SRSF1: variants seen among roughly 807,000 people sequenced by gnomAD.
The protein encoded by SRSF1 is serine/arginine-rich splicing factor 1.
Under a neutral mutation model 25.9 loss-of-function variants are expected in SRSF1, and 1 was observed. The observed-to-expected ratio is 0.04, with a 90% confidence interval of 0.01 to 0.18. The LOEUF (loss-of-function observed/expected upper bound fraction) is 0.18, where lower values mean the gene tolerates loss of function less well. Among genes scored for constraint, SRSF1 ranks in the 10% least tolerant of loss-of-function variants. The probability of loss-of-function intolerance (pLI) is 1.00; values close to 1 mark genes in which losing one functional copy is unlikely to be tolerated. For synonymous variants in SRSF1, 132 were observed against 126.2 expected (o/e 1.05, Z -0.31); for missense variants, 65 against 350.5 (o/e 0.19, Z 6.50).
chr17:57,999,759 A>G (rs537890155), downstream of SRSF1, among the ~76,000 whole-genome samples: 15 of 152,314 alleles, frequency 9.8e-5, no homozygotes, highest in African/African-American at 3.6e-4. Context: ...CAAACAAACA[A>G]ACAAAAAAAA....
chr17:58,000,149 T>C (rs1197992701), downstream of SRSF1, among the ~76,000 whole-genome samples: 1 of 152,152 alleles, frequency 6.6e-6, no homozygotes, highest in Non-Finnish European at 1.5e-5. Flanking sequence ...ACGGAGTGAT[T>C]TTTATAATAA....
chr17:57,994,503 G>A, the SRSF1 span: 1 of 152,206 alleles, frequency 6.6e-6, no homozygotes, highest in Non-Finnish European at 1.5e-5. Flanking sequence ...GGGAAACAAG[G>A]AGAAAGGGAT....
chr17:57,996,266 C>T (rs536773618), downstream of SRSF1, among the ~76,000 whole-genome samples: 8 of 152,024 alleles, frequency 5.3e-5, no homozygotes, highest in South Asian at 4.2e-4. Flanking sequence ...GGGCAGATCA[C>T]GAGGTCAGGA....
At chr17:57,999,360 T>TTATTCCATAC (rs2075376852), downstream of SRSF1, among the ~76,000 whole-genome samples, 1 of 152,194 alleles carries the variant, frequency 6.6e-6, no homozygotes, top group Non-Finnish European at 1.5e-5. Context: ...CATGGCCTTA[T>TTATTCCATAC]TATTCCATAC....
the SRSF1 span, chr17:57,994,405 G>C: frequency 6.6e-6 from 1 of 152,132 alleles, no homozygotes; most frequent in Non-Finnish European, 1.5e-5. Flanking sequence ...AGAAAATTCA[G>C]GTAAACTTGA....
intron 1 of SRSF1, 145 bp from the exon 2 acceptor site, chr17:58,006,672 C>T (rs1325519063): frequency 1.1e-5 from 11 of 1,040,980 alleles, no homozygotes; most frequent in African/African-American, 3.2e-5. Flanking sequence ...CCTCCCCCAC[C>T]CAGAAACACG....
chr17:57,991,853 A>G, the SRSF1 span: 52 of 152,358 alleles, frequency 3.4e-4, no homozygotes, highest in African/African-American at 1.1e-3. Flanking sequence ...AAAGGGAAAC[A>G]AGAATTCTTT....
downstream of SRSF1, among the ~76,000 whole-genome samples, chr17:58,000,318 A>G (rs570802106): frequency 6.6e-6 from 1 of 152,260 alleles, no homozygotes; most frequent in African/African-American, 2.4e-5. Flanking sequence ...GTTTAAAGCA[A>G]GTTACTTTTG....
At chr17:57,994,785 T>G in the SRSF1 span, 1 of 152,190 alleles carries the variant, frequency 6.6e-6, no homozygotes, top group African/African-American at 2.4e-5. Flanking sequence ...ACCTCTCTAA[T>G]GTGGACTCTC....
chr17:57,995,741 TCAC>T, the SRSF1 span, among the ~76,000 whole-genome samples: 3,679 of 152,306 alleles, frequency 0.024, 137 homozygotes, highest in African/African-American at 0.083. Context: ...CAAGAATTTC[TCAC>T]CACAAGATCT....
Position 58,002,951 on chromosome 17 carries a change from G to A in SRSF1, c.*2455C>T, listed in dbSNP as rs1310352279. 6.6e-6 allele frequency among the ~76,000 whole-genome samples: 1 copy of A among 152,210 alleles called. No homozygotes were observed. The highest frequency in any genetic ancestry group is 1.5e-5 in the Non-Finnish European group (1 of 68,036). On this transcript the variant is annotated 3_prime_UTR_variant, in exon 4 of 4. Coordinates refer to ENST00000258962, the MANE Select transcript of SRSF1 (RefSeq NM_006924.5). ...TCACTCAAATCCAGGGGTGGAGGTT[G>A]CAGTGAGCCTAGATCACACCACTGC...
At chr17:57,999,748 C>CCAAA (rs550031243), downstream of SRSF1, among the ~76,000 whole-genome samples, 3 of 152,246 alleles carry the variant, frequency 2.0e-5, no homozygotes, top group African/African-American at 4.8e-5. Context: ...TGTAAAAAAA[C>CCAAA]CAAACAAACA....
At chr17:57,997,850 G>A (rs1320070791), downstream of SRSF1, among the ~76,000 whole-genome samples, 1 of 152,202 alleles carries the variant, frequency 6.6e-6, no homozygotes, top group Non-Finnish European at 1.5e-5. Context: ...AGAGTACAAA[G>A]GAGCCATTTG....
rs2075416984 is a variant in SRSF1 at position 58,004,912 on chromosome 17, T to TG, written c.*493dup. On this transcript the variant is annotated 3_prime_UTR_variant, in exon 4 of 4. Coordinates refer to ENST00000258962, the MANE Select transcript of SRSF1 (RefSeq NM_006924.5). ...CAATTTCATCTGTGACAATAGCACT[T>TG]GGAGTCATACCATTGCCTCCATTAT... is the stretch of plus-strand genomic sequence containing the variant. The TG allele has an allele frequency of 2.5e-6, 1 of 401,518 alleles. No individual in the cohort carries two copies. Among genetic ancestry groups the TG allele is most frequent in the Admixed American group, 4.3e-5 (1 of 23,254 alleles). The allele number at this position is 401,518 out of a possible 1,614,324, so 24.9% of individuals were successfully genotyped here. A position where few individuals can be genotyped will look rare whatever the true frequency, so the allele number is the denominator to read the frequency against.
chr17:57,999,105 G>A (rs1363746330), downstream of SRSF1, among the ~76,000 whole-genome samples: 1 of 152,122 alleles, frequency 6.6e-6, no homozygotes, highest in Non-Finnish European at 1.5e-5. Flanking sequence ...TTGATCACAA[G>A]ACAACCTGCT....
chr17:57,992,596 A>T, the SRSF1 span: 1 of 152,230 alleles, frequency 6.6e-6, no homozygotes, highest in African/African-American at 2.4e-5. Context: ...CCCACCAGTT[A>T]AGAGGGATAA....
At chr17:58,000,214 A>C (rs2075381057), downstream of SRSF1, among the ~76,000 whole-genome samples, 1 of 152,182 alleles carries the variant, frequency 6.6e-6, no homozygotes, top group South Asian at 2.1e-4. Flanking sequence ...CAGGGTTGTT[A>C]GGCATTAGCT....
rs1443660795 is a variant in SRSF1, at chr17:58,006,412, C to A, written c.310G>T (p.Gly104Cys). Residue 104 changes from glycine (G) to cysteine (C), a missense_variant, in exon 2 of 4, where the codon GGT becomes TGT. By Grantham distance (159) the Gly-to-Cys change is radical (BLOSUM62 -3). Transcript: ENST00000258962. Reference protein sequence around the residue: ...GTGRGGGGGGGGGAPRGRYGP... With the variant: ...GTGRGGGGGGCGGAPRGRYGP... ...TAGCGACCTCGGGGAGCTCCGCCAC[C>A]TCCACCCCCGCCGCCGCCTCGGCCT... is the stretch of plus-strand genomic sequence containing the variant. The A allele has an allele frequency of 2.5e-6, 4 of 1,613,026 alleles. No homozygotes were observed. Among genetic ancestry groups the A allele is most frequent in the Non-Finnish European group, 3.4e-6 (4 of 1,180,020 alleles).
Position 58,006,262 on chromosome 17 carries a change from A to G in SRSF1, c.379+81T>C, listed in dbSNP as rs963349079. The G allele has an allele frequency of 3.3e-6, 5 of 1,494,466 alleles. No individual in the cohort carries two copies. In the Admixed American group the frequency reaches 9.1e-5, roughly 27 times the overall value. The allele number at this position is 1,494,466 out of a possible 1,614,324, so 92.6% of individuals were successfully genotyped here. A position where few individuals can be genotyped will look rare whatever the true frequency, so the allele number is the denominator to read the frequency against. ...TAAGACCTAGCATGAAAAATTTGCA[A>G]TTATTAAACCTGTCACGCAAGAGAA... On this transcript the variant is annotated intron_variant, in intron 2 of 3. Coordinates refer to ENST00000258962, the MANE Select transcript of SRSF1 (RefSeq NM_006924.5).
Sources: allele counts gnomAD v4.1 joint callset (sites outside exome capture counted in the v4.1 genomes callset), GRCh38; gene constraint gnomAD v4.1.1; transcripts MANE v1.5; gene names NCBI Gene and HGNC (gene_info 2026-07-23, HGNC 2026-07-21).